The following FBXL7 variants were observed in gnomAD, a reference collection of about 807,000 sequenced individuals.
FBXL7 encodes F-box/LRR-repeat protein 7.
Under a neutral mutation model 38.3 loss-of-function variants are expected in FBXL7, and 12 were observed. The observed-to-expected ratio is 0.31, with a 90% confidence interval of 0.20 to 0.51. The LOEUF is 0.51. FBXL7 is among the 20% of genes least tolerant of loss of function. The pLI is 0.98. For missense variants in FBXL7, 567 were observed against 676.4 expected (o/e 0.84, Z 1.79); for synonymous variants, 297 against 300.9 (o/e 0.99, Z 0.13).
intron 2 of FBXL7, among the ~76,000 whole-genome samples, chr5:15,745,518 G>A (rs1448637386): frequency 6.6e-6 from 1 of 152,166 alleles, no homozygotes; most frequent in Non-Finnish European, 1.5e-5. Flanking sequence ...AGTTACAGTG[G>A]ACTGAAGTGA....
chr5:15,555,288 A>G (rs1236702345), intron 1 of FBXL7, among the ~76,000 whole-genome samples: 1 of 152,158 alleles, frequency 6.6e-6, no homozygotes, highest in Non-Finnish European at 1.5e-5. Context: ...GAGGCCTCTC[A>G]TGTTTCTTAG....
chr5:15,843,590 A>G (rs1157047353), intron 2 of FBXL7, among the ~76,000 whole-genome samples: 1 of 152,172 alleles, frequency 6.6e-6, no homozygotes, highest in Non-Finnish European at 1.5e-5. Flanking sequence ...ATGTCCATAA[A>G]TTGCTCTTCT....
At chr5:15,696,660 A>G (rs1278854336) in intron 2 of FBXL7, among the ~76,000 whole-genome samples, 2 of 152,202 alleles carry the variant, frequency 1.3e-5, no homozygotes, top group Non-Finnish European at 2.9e-5. Flanking sequence ...TAAATGCTCA[A>G]TCTATTTTAG....
rs1395318403 is a variant in FBXL7, at chr5:15,584,522, T to G, written c.38-31461T>G. ...CTCTAGTTTCCAGTAAACTCTCATC[T>G]TCATCTGAGACCACCTCAGCCTGGA... is the stretch of plus-strand genomic sequence containing the variant. On this transcript the variant is annotated intron_variant, in intron 1 of 3. Coordinates refer to ENST00000504595, the MANE Select transcript of FBXL7 (RefSeq NM_012304.5). Among the ~76,000 whole-genome samples the G allele has an allele frequency of 2.0e-5, 3 of 152,334 alleles. No homozygotes were observed. In the Middle Eastern group the frequency reaches 0.01, roughly 518 times the overall value.
chr5:15,644,737 TC>T (rs1214706722), intron 2 of FBXL7, among the ~76,000 whole-genome samples: 3 of 152,094 alleles, frequency 2.0e-5, no homozygotes, highest in African/African-American at 7.2e-5. Context: ...ATTGAGGCGC[TC>T]CTCACTGTAT....
At chr5:15,630,673 G>A (rs1380577332) in intron 2 of FBXL7, among the ~76,000 whole-genome samples, 2 of 152,118 alleles carry the variant, frequency 1.3e-5, no homozygotes, top group Admixed American at 6.5e-5. Context: ...TAAAGCTCAT[G>A]TTTTGTTTAG....
intron 2 of FBXL7, among the ~76,000 whole-genome samples, chr5:15,696,910 G>A (rs561941542): frequency 1.3e-5 from 2 of 152,168 alleles, no homozygotes; most frequent in African/African-American, 2.4e-5. Flanking sequence ...GCCCCTCCTC[G>A]CCCTTTCCCT....
chr5:15,631,014 C>T (rs1740979454), intron 2 of FBXL7, among the ~76,000 whole-genome samples: 1 of 152,108 alleles, frequency 6.6e-6, no homozygotes, highest in Non-Finnish European at 1.5e-5. Flanking sequence ...CTTTTATAAT[C>T]TAATCACAGC....
intron 1 of FBXL7, among the ~76,000 whole-genome samples, chr5:15,524,090 ACATAAAATGC>A (rs1202319238): frequency 6.6e-6 from 1 of 152,186 alleles, no homozygotes; most frequent in Non-Finnish European, 1.5e-5. Flanking sequence ...CCAAATAAGG[ACATAAAATGC>A]CACTAAATAA....
chr5:15,561,160 G>A (rs1301074325), intron 1 of FBXL7, among the ~76,000 whole-genome samples: 3 of 152,146 alleles, frequency 2.0e-5, no homozygotes, highest in Non-Finnish European at 4.4e-5. Context: ...TCCACATACT[G>A]TGGTTAGATC....
intron 2 of FBXL7, among the ~76,000 whole-genome samples, chr5:15,642,174 CCTT>C (rs2126557738): frequency 6.6e-6 from 1 of 152,198 alleles, no homozygotes; most frequent in South Asian, 2.1e-4. Flanking sequence ...TCTAACCCAT[CCTT>C]GATCTGGTGA....
chr5:15,523,255 A>AT (rs1237007819), intron 1 of FBXL7, among the ~76,000 whole-genome samples: 4 of 152,312 alleles, frequency 2.6e-5, no homozygotes, highest in African/African-American at 9.6e-5. Flanking sequence ...AAATGAAAGG[A>AT]TTTTTAAAAA....
At chr5:15,864,912 G>T (rs1393208170) in intron 2 of FBXL7, among the ~76,000 whole-genome samples, 1 of 152,130 alleles carries the variant, frequency 6.6e-6, no homozygotes, top group African/African-American at 2.4e-5. Flanking sequence ...GAGTCTATTG[G>T]CTGCTGCAGA....
intron 2 of FBXL7, among the ~76,000 whole-genome samples, chr5:15,776,184 C>T (rs975496569): frequency 6.6e-6 from 1 of 151,912 alleles, no homozygotes; most frequent in Non-Finnish European, 1.5e-5. Flanking sequence ...GGGTAGATGC[C>T]GGCCAACATT....
At chr5:15,622,925 A>T (rs1246073227) in intron 2 of FBXL7, among the ~76,000 whole-genome samples, 1 of 151,746 alleles carries the variant, frequency 6.6e-6, no homozygotes, top group Non-Finnish European at 1.5e-5. Context: ...GGCTGGTCTC[A>T]AACTCATGAC....
At chr5:15,917,901 C>G (rs559451019) in intron 2 of FBXL7, among the ~76,000 whole-genome samples, 3 of 152,040 alleles carry the variant, frequency 2.0e-5, no homozygotes, top group South Asian at 2.1e-4. Context: ...CAATGCTACT[C>G]TAGCTCAGGG....
At chr5:15,509,632 G>C (rs777655164) in intron 1 of FBXL7, among the ~76,000 whole-genome samples, 37 of 152,158 alleles carry the variant, frequency 2.4e-4, no homozygotes, top group Non-Finnish European at 4.1e-4. Context: ...AAAAAAGTGA[G>C]TAGCTGGGAG....
At position 15,768,392 on chromosome 5, in the gene FBXL7, G is replaced by A. The variant is rs374809982; in HGVS notation, c.127+152320G>A. Among the ~76,000 whole-genome samples, 127 of 152,120 alleles carry A rather than the reference G, an allele frequency of 8.3e-4. 1 individual carries two copies. Among genetic ancestry groups the A allele is most frequent in the African/African-American group, 2.9e-3 (120 of 41,510 alleles). On this transcript the variant is annotated intron_variant, in intron 2 of 3. Coordinates refer to ENST00000504595, the MANE Select transcript of FBXL7 (RefSeq NM_012304.5). Reference sequence around the variant, plus strand: ...TGAAAATACAAAAAATTAGCCTGGCGTGGTGGCAGGCACTTCTTGTCCCAG... The same window carrying A: ...TGAAAATACAAAAAATTAGCCTGGCATGGTGGCAGGCACTTCTTGTCCCAG...
chr5:15,882,891 AATAAT>A (rs1740516742), intron 2 of FBXL7, among the ~76,000 whole-genome samples: 1 of 150,628 alleles, frequency 6.6e-6, no homozygotes, highest in Admixed American at 6.6e-5. Context: ...TCATGTTGAA[AATAAT>A]ATAAGAGTAT....
Sources: gnomAD v4.1 joint callset for allele counts (sites outside exome capture counted in the v4.1 genomes callset) on GRCh38, gnomAD v4.1.1 for gene constraint, MANE v1.5 for transcripts, NCBI Gene and HGNC (gene_info 2026-07-23, HGNC 2026-07-21) for gene names.